The following WDFY4 variants were observed in gnomAD, a reference collection of about 807,000 sequenced individuals.
The protein encoded by WDFY4 is WD repeat- and FYVE domain-containing protein 4.
Under a neutral mutation model 351.9 loss-of-function variants are expected in WDFY4, and 169 were observed. That is an observed-to-expected ratio of 0.48 (90% CI 0.42 to 0.55). WDFY4 has a LOEUF of 0.55. Ranked by LOEUF, WDFY4 falls within the 20% of genes least tolerant of loss-of-function variation. The pLI is 0.00. For missense variants in WDFY4, 3,803 were observed against 3,935.6 expected, an observed-to-expected ratio of 0.97 and a Z score of 0.90; for synonymous variants, 1,622 against 1,574.6, an observed-to-expected ratio of 1.03 and a Z score of -0.71.
intron 47 of WDFY4, among the ~76,000 whole-genome samples, chr10:48,903,149 T>C (rs1316782975): frequency 6.6e-6 from 1 of 151,774 alleles, no homozygotes; most frequent in Admixed American, 6.6e-5. Context: ...GTTAATTGAG[T>C]AAAGAGTGTG....
chr10:48,898,576 GCTCA>G, intron 45 of WDFY4, among the ~76,000 whole-genome samples: 1 of 152,256 alleles, frequency 6.6e-6, no homozygotes, highest in African/African-American at 2.4e-5. Flanking sequence ...CTGCAAGAGG[GCTCA>G]CTATCATTCT....
At chr10:48,848,963 G>GT (rs1448160073) in intron 39 of WDFY4, among the ~76,000 whole-genome samples, 1 of 152,196 alleles carries the variant, frequency 6.6e-6, no homozygotes, top group East Asian at 1.9e-4. Context: ...ATTGCGTCCA[G>GT]TGAGAATGAC....
intron 39 of WDFY4, among the ~76,000 whole-genome samples, chr10:48,857,890 C>T (rs779443367): frequency 2.0e-5 from 3 of 152,016 alleles, no homozygotes; most frequent in Non-Finnish European, 2.9e-5. Context: ...CTGCCAGGTA[C>T]AAGCGATTCT....
chr10:48,957,100 G>A (rs1039616620), intron 51 of WDFY4, 29 bp from the exon 52 acceptor site: 1 of 1,539,420 alleles, frequency 6.5e-7, no homozygotes, highest in Admixed American at 2.0e-5. Flanking sequence ...AGTGAGAGCG[G>A]CTGGTCATGT....
In WDFY4 at chr10:48,937,083, G is replaced by C. The variant is rs182382504; in HGVS notation, c.7587-4723G>C. On this transcript the variant is annotated intron_variant, in intron 47 of 61. Transcript: ENST00000325239. ...TAATTTTTGTATTTTTAGTAGAGAC[G>C]AGGTTTTTCCATGTTGGCTAGGCTG... Among the ~76,000 whole-genome samples, 771 of 151,986 alleles carry C rather than the reference G, an allele frequency of 5.1e-3. 3 individuals are homozygous for C. Among genetic ancestry groups the C allele is most frequent in the African/African-American group, 0.018 (738 of 41,494 alleles).
intron 56 of WDFY4, 136 bp downstream of exon 56, chr10:48,969,384 C>T (rs1017268393): frequency 7.1e-5 from 78 of 1,105,124 alleles, no homozygotes; most frequent in Middle Eastern, 3.1e-4. Context: ...CCAGCCTGGG[C>T]GGGAAAGGAC....
Position 48,734,965 on chromosome 10 carries a change from T to C in WDFY4, c.1688-915T>C, listed in dbSNP as rs11101445. ...TAATTTTTTTTTTTTTTTTTTTTGG[T>C]ATTTTAGTAGAGACGGGGCTTTACC... On this transcript the variant is annotated intron_variant, in intron 10 of 61. Coordinates refer to ENST00000325239, the MANE Select transcript of WDFY4 (RefSeq NM_001394531.1). 2.0e-4 allele frequency among the ~76,000 whole-genome samples: 22 copies of C among 111,748 alleles called. No individual in the cohort carries two copies. The South Asian group carries it at 5.9e-3, about 30-fold the overall frequency. The allele number at this position is 111,748 out of a possible 152,430, so 73.3% of individuals were successfully genotyped here.
At chr10:48,847,801 A>T (rs2068827015) in intron 39 of WDFY4, among the ~76,000 whole-genome samples, 1 of 152,158 alleles carries the variant, frequency 6.6e-6, no homozygotes, top group African/African-American at 2.4e-5. Flanking sequence ...TTCTTCATGT[A>T]CTCATGACAA....
chr10:48,976,064 G>A (rs111794767), intron 58 of WDFY4, among the ~76,000 whole-genome samples: 6,496 of 152,230 alleles, frequency 0.043, 180 homozygotes, highest in Middle Eastern at 0.1. Context: ...GCTGGTTGTG[G>A]GGCAGAGAGG....
At chr10:48,734,067 G>A (rs772684075) in intron 10 of WDFY4, 32 bp downstream of exon 10, 1 of 1,531,478 alleles carries the variant, frequency 6.5e-7, no homozygotes, top group Non-Finnish European at 8.9e-7. Flanking sequence ...CCTCATCACT[G>A]CTTGGTAAAA....
rs1221761341 is a variant in WDFY4, at chr10:48,727,579, C to G, written c.891C>G (p.Asp297Glu). 2 of 1,551,856 alleles carry G rather than the reference C, an allele frequency of 1.3e-6. No individual in the cohort carries two copies. The highest frequency in any genetic ancestry group is 2.7e-5 in the African/African-American group (2 of 73,048). The change falls in exon 7 of 62, where the codon GAC becomes GAG. Residue 297 changes from aspartate to glutamate, a missense_variant. Around this residue, in one of 3 missense-constraint regions of WDFY4, gnomAD observed 488 missense variants for 456.8 expected, o/e 1.07. Coordinates refer to ENST00000325239, the MANE Select transcript of WDFY4 (RefSeq NM_001394531.1). ...AVSLILGFVK[D>E]SYPVSSALFL... ...GCCTGATCTTGGGATTCGTGAAGGA[C>G]TCCTACCCCGTCTCCTCGGCTCTGT...
chr10:48,805,379 C>T lies in WDFY4; in HGVS notation c.4604C>T (p.Ala1535Val), dbSNP rs747428106. 2 of 1,549,576 alleles carry T rather than the reference C, an allele frequency of 1.3e-6. No homozygotes were observed. The highest frequency in any genetic ancestry group is 1.2e-5 in the South Asian group (1 of 84,060). The change falls in exon 26 of 62, where the codon GCC becomes GTC. Residue 1535 changes from alanine to valine, a missense_variant. Ala to Val is a moderately conservative substitution (Grantham distance 64). Transcript: ENST00000325239. The part of the protein sequence containing the change: ...SKISTIIGIL[A>V]CQLRGHFSTQ... ...ATCTCCACCATCATTGGCATCCTGG[C>T]CTGTCAGCTGAGGGGCCACTTCAGC...
At chr10:48,720,499 T>C (rs1268805886) in intron 3 of WDFY4, among the ~76,000 whole-genome samples, 3 of 148,252 alleles carry the variant, frequency 2.0e-5, no homozygotes, top group Non-Finnish European at 4.5e-5. Flanking sequence ...ACACATACAC[T>C]ACACACACAG....
chr10:48,728,574 G>T (rs2064347636), intron 7 of WDFY4, among the ~76,000 whole-genome samples: 2 of 152,236 alleles, frequency 1.3e-5, no homozygotes, highest in Admixed American at 6.5e-5. Flanking sequence ...CCTACATGCG[G>T]TGACTTGGAC....
At chr10:48,945,433 C>T (rs937539345) in intron 49 of WDFY4, among the ~76,000 whole-genome samples, 3 of 152,102 alleles carry the variant, frequency 2.0e-5, no homozygotes, top group African/African-American at 7.2e-5. Flanking sequence ...GAAATGCAAA[C>T]CCCAGCAATT....
chr10:48,827,004 A>AAGG, intron 36 of WDFY4, 95 bp downstream of exon 36: 2 of 1,005,290 alleles, frequency 2.0e-6, no homozygotes, highest in Non-Finnish European at 2.9e-6. Context: ...GTTCTGTATA[A>AAGG]ATGATATCAT....
intron 36 of WDFY4, among the ~76,000 whole-genome samples, chr10:48,828,516 G>A (rs908943053): frequency 4.6e-5 from 7 of 152,172 alleles, no homozygotes; most frequent in Non-Finnish European, 7.3e-5. Flanking sequence ...AGTGGGCACA[G>A]GGGGACTGCT....
intron 11 of WDFY4, among the ~76,000 whole-genome samples, chr10:48,742,433 C>T (rs998399298): frequency 6.6e-6 from 1 of 152,242 alleles, no homozygotes; most frequent in African/African-American, 2.4e-5. Context: ...GAATAACAAG[C>T]TGCTTCTATG....
chr10:48,981,488 G>T lies in WDFY4; in HGVS notation c.9488+10G>T. ...CTCTGGCCGTGTCCAGGTAAGCGCG[G>T]CCTTGTTTCTCTGGGTCTCCAGCAG... is the stretch of plus-strand genomic sequence containing the variant. On this transcript the variant is annotated intron_variant, in intron 61 of 61. Coordinates refer to ENST00000325239, the MANE Select transcript of WDFY4 (RefSeq NM_001394531.1). 3.9e-6 allele frequency: 6 copies of T among 1,551,298 alleles called. No individual in the cohort carries two copies. The highest frequency in any genetic ancestry group is 5.2e-6 in the Non-Finnish European group (6 of 1,146,750).
Sources: gnomAD v4.1 joint callset for allele counts (sites outside exome capture counted in the v4.1 genomes callset) on GRCh38, gnomAD v4.1.1 for gene constraint, gnomAD v4.1.1 regional missense constraint, MANE v1.5 for transcripts, NCBI Gene and HGNC (gene_info 2026-07-23, HGNC 2026-07-21) for gene names.